Variants in GSE1 observed in about 807,000 individuals in gnomAD.
The protein encoded by GSE1 is Gse1 coiled-coil protein.
Under a neutral mutation model 112.6 loss-of-function variants are expected in GSE1, and 32 were observed. That is an observed-to-expected ratio of 0.28 (90% CI 0.21 to 0.38). GSE1 has a LOEUF of 0.38. Ranked by LOEUF, GSE1 falls within the 10% of genes least tolerant of loss-of-function variation. The probability of loss-of-function intolerance (pLI) is 1.00; values close to 1 mark genes in which losing one functional copy is unlikely to be tolerated. For synonymous variants in GSE1, 1,115 were observed against 735.6 expected (o/e 1.52, Z -8.35); for missense variants, 2,348 against 1,699.2 (o/e 1.38, Z -6.71).
chr16:85,247,784 C>A (rs533046595), intron 1 of GSE1, among the ~76,000 whole-genome samples: 18 of 152,332 alleles, frequency 1.2e-4, no homozygotes, highest in Middle Eastern at 3.4e-3. Context: ...AGGGGCTGGG[C>A]ACATGGGGGA....
chr16:85,391,378 T>C (rs544484539), intron 2 of GSE1, among the ~76,000 whole-genome samples: 12 of 152,218 alleles, frequency 7.9e-5, no homozygotes, highest in African/African-American at 2.7e-4. Context: ...CGTAACAAAG[T>C]ACCACAAACT....
chr16:85,570,780 G>C (rs2045950517), intron 1 of GSE1, among the ~76,000 whole-genome samples: 1 of 152,202 alleles, frequency 6.6e-6, no homozygotes, highest in Non-Finnish European at 1.5e-5. Context: ...AGGGGCTGAG[G>C]GGGAGGGTGG....
intron 2 of GSE1, among the ~76,000 whole-genome samples, chr16:85,379,614 C>T (rs533186202): frequency 2.4e-4 from 36 of 152,342 alleles, no homozygotes; most frequent in African/African-American, 3.8e-4. Context: ...CAGCCCAGCT[C>T]CTGGGGTACG....
chr16:85,589,468 G>C (rs978801399), intron 1 of GSE1, among the ~76,000 whole-genome samples: 1 of 152,200 alleles, frequency 6.6e-6, no homozygotes, highest in African/African-American at 2.4e-5. Flanking sequence ...CTCCAGAGGA[G>C]CCATGGCGGG....
intron 2 of GSE1, among the ~76,000 whole-genome samples, chr16:85,446,924 C>G (rs1291024590): frequency 3.9e-5 from 6 of 152,166 alleles, no homozygotes; most frequent in African/African-American, 1.4e-4. Flanking sequence ...CCTCCTCCTG[C>G]TCTGTGTGCC....
At chr16:85,664,045 G>C (rs976924516) in intron 11 of GSE1, among the ~76,000 whole-genome samples, 1 of 152,258 alleles carries the variant, frequency 6.6e-6, no homozygotes, top group Non-Finnish European at 1.5e-5. Flanking sequence ...CTGCCAAGCA[G>C]GGCAGCACAC....
chr16:85,238,246 C>T (rs1408457461), intron 1 of GSE1, among the ~76,000 whole-genome samples: 1 of 152,166 alleles, frequency 6.6e-6, no homozygotes, highest in Non-Finnish European at 1.5e-5. Flanking sequence ...TGCCAGCCTG[C>T]CCTCACATCC....
intron 1 of GSE1, among the ~76,000 whole-genome samples, chr16:85,599,733 C>T (rs2047381382): frequency 6.6e-6 from 1 of 152,214 alleles, no homozygotes; most frequent in Non-Finnish European, 1.5e-5. Flanking sequence ...CTCCTTCTCT[C>T]CCTCTTAAGA....
Position 85,633,960 on chromosome 16 carries a change from C to G in GSE1, c.54C>G (p.Thr18=), listed in dbSNP as rs375816658. Residue 18 remains threonine, a synonymous_variant, in exon 2 of 16, where the codon ACC becomes ACG. Coordinates refer to ENST00000253458, the MANE Select transcript of GSE1 (RefSeq NM_014615.5). ...PKSPSLGMLS[T]ATRTTATVNP... is the part of the protein sequence containing the mutation. ...CCCCTTCGCTAGGGATGCTTTCCACCGCGACCAGGACCACCGCCACCGTCA... is the reference window on the plus strand; with the variant it reads ...CCCCTTCGCTAGGGATGCTTTCCACGGCGACCAGGACCACCGCCACCGTCA... 1 of 1,613,040 alleles carries G rather than the reference C, an allele frequency of 6.2e-7. No homozygotes were observed. The highest frequency in any genetic ancestry group is 8.5e-7 in the Non-Finnish European group (1 of 1,179,706).
intron 1 of GSE1, among the ~76,000 whole-genome samples, chr16:85,243,795 C>G (rs754783407): frequency 6.6e-6 from 1 of 152,180 alleles, no homozygotes; most frequent in Non-Finnish European, 1.5e-5. Context: ...GTCCAAGCAA[C>G]CTTCACTTTT....
chr16:85,433,602 G>GGATA (rs2049172967), intron 2 of GSE1, among the ~76,000 whole-genome samples: 1 of 92,434 alleles, frequency 1.1e-5, no homozygotes, highest in South Asian at 3.7e-4. Flanking sequence ...ATGGATGGAT[G>GGATA]GATGGATGGA....
chr16:85,483,169 G>A (rs1020591263), intron 2 of GSE1, among the ~76,000 whole-genome samples: 12 of 152,128 alleles, frequency 7.9e-5, no homozygotes, highest in African/African-American at 2.9e-4. Context: ...TTACACTTGG[G>A]TCCCATCCCC....
upstream of GSE1, among the ~76,000 whole-genome samples, chr16:85,612,105 C>A (rs1329383560): frequency 6.6e-6 from 1 of 151,972 alleles, no homozygotes; most frequent in African/African-American, 2.4e-5. Context: ...GGGAGCGACC[C>A]CGGGGCCTCA....
In GSE1 at chr16:85,673,746, A is replaced by AG. The variant is rs894116806; in HGVS notation, c.*1212dup. The stretch of plus-strand genomic sequence containing the variant: ...TATTACCCATTGCTATCAAGGGAGG[A>AG]GGGGGTAGTCTGTAGAACCCATGTG... On this transcript the variant is annotated 3_prime_UTR_variant, in exon 16 of 16. Coordinates refer to ENST00000253458, the MANE Select transcript of GSE1 (RefSeq NM_014615.5). The AG allele has an allele frequency of 2.0e-5, 3 of 152,076 alleles. No individual in the cohort carries two copies. Among genetic ancestry groups the AG allele is most frequent in the African/African-American group, 7.2e-5 (3 of 41,386 alleles). The allele number at this position is 152,076 out of a possible 1,614,324, so 9.4% of individuals were successfully genotyped here.
At chr16:85,462,359 C>T (rs1313406159) in intron 2 of GSE1, among the ~76,000 whole-genome samples, 1 of 152,046 alleles carries the variant, frequency 6.6e-6, no homozygotes, top group Non-Finnish European at 1.5e-5. Context: ...CCTCCACCCT[C>T]CCTACCCTCA....
At chr16:85,460,528 A>C (rs957416599) in intron 2 of GSE1, among the ~76,000 whole-genome samples, 6 of 152,242 alleles carry the variant, frequency 3.9e-5, no homozygotes, top group Non-Finnish European at 7.3e-5. Flanking sequence ...TGTAAAGCCC[A>C]GCACTTCGTT....
At chr16:85,634,291 G>T (rs1053945011) in intron 2 of GSE1, among the ~76,000 whole-genome samples, 159 bp downstream of exon 2, 1 of 152,246 alleles carries the variant, frequency 6.6e-6, no homozygotes, top group Non-Finnish European at 1.5e-5. Flanking sequence ...ACAGACCCTG[G>T]GCCAGTCCGC....
At chr16:85,519,281 TCAC>T (rs1482135665) in intron 2 of GSE1, among the ~76,000 whole-genome samples, 12 of 113,198 alleles carry the variant, frequency 1.1e-4, no homozygotes, top group African/African-American at 3.0e-4. Context: ...ATCATCACCA[TCAC>T]CACCACCATC....
At chr16:85,233,949 C>T (rs1476721309) in intron 1 of GSE1, among the ~76,000 whole-genome samples, 3 of 152,162 alleles carry the variant, frequency 2.0e-5, no homozygotes, top group Non-Finnish European at 1.5e-5. Context: ...TGGGCAGGAG[C>T]ACAGAAGGCG....
Sources: gnomAD v4.1 joint callset for allele counts (sites outside exome capture counted in the v4.1 genomes callset) on GRCh38, gnomAD v4.1.1 for gene constraint, MANE v1.5 for transcripts, NCBI Gene and HGNC (gene_info 2026-07-23, HGNC 2026-07-21) for gene names.